Variants in PRRX2 observed in about 807,000 individuals in gnomAD.
The protein encoded by PRRX2 is paired related homeobox 2, also known as paired mesoderm homeobox protein 2.
PRRX2 carries 11 observed loss-of-function variants against 18.0 expected under a neutral mutation model. The observed-to-expected ratio is 0.61, with a 90% CI of 0.39 to 1.01. PRRX2 has a LOEUF of 1.01. Among genes scored for constraint, PRRX2 ranks in the 50% least tolerant of loss-of-function variants. The pLI, the probability that PRRX2 is intolerant of heterozygous loss-of-function variation, is 0.01. For missense variants in PRRX2, 387 were observed against 351.0 expected (o/e 1.10, Z -0.82); for synonymous variants, 177 against 154.8 (o/e 1.14, Z -1.06).
intron 1 of PRRX2, among the ~76,000 whole-genome samples, chr9:129,693,375 C>T (rs1832384145): frequency 2.0e-5 from 3 of 152,164 alleles, no homozygotes; most frequent in Admixed American, 6.6e-5. Flanking sequence ...GGGCGGATCA[C>T]CTGAGGTCAG....
intron 1 of PRRX2, among the ~76,000 whole-genome samples, chr9:129,681,577 C>T (rs1311383650): frequency 1.3e-5 from 2 of 152,096 alleles, no homozygotes; most frequent in Non-Finnish European, 2.9e-5. Flanking sequence ...GTTGTGGATG[C>T]GGCAGCAGGT....
At chr9:129,667,736 G>C (rs115631935) in intron 1 of PRRX2, among the ~76,000 whole-genome samples, 1 of 152,174 alleles carries the variant, frequency 6.6e-6, no homozygotes, top group Non-Finnish European at 1.5e-5. Context: ...TCCCGGACAC[G>C]GTGTTGGAGG....
intron 1 of PRRX2, among the ~76,000 whole-genome samples, chr9:129,691,355 T>C (rs1832358666): frequency 6.6e-6 from 1 of 151,970 alleles, no homozygotes; most frequent in Non-Finnish European, 1.5e-5. Flanking sequence ...TATATAAACT[T>C]ACAATCACAG....
chr9:129,668,778 C>CAAAAAA (rs562855941), intron 1 of PRRX2, among the ~76,000 whole-genome samples: 11 of 58,576 alleles, frequency 1.9e-4, no homozygotes, highest in African/African-American at 2.3e-4. Context: ...GACTCCATCT[C>CAAAAAA]AAAAAAAAAA....
intron 1 of PRRX2, among the ~76,000 whole-genome samples, chr9:129,713,551 G>A (rs1832658730): frequency 6.6e-6 from 1 of 152,226 alleles, no homozygotes. Flanking sequence ...AGGTAGAAGA[G>A]GGAGGAGGCC....
chr9:129,691,630 G>GAGC (rs1832361964), intron 1 of PRRX2, among the ~76,000 whole-genome samples: 1 of 151,778 alleles, frequency 6.6e-6, no homozygotes, highest in African/African-American at 2.4e-5. Context: ...CCCCCACAGA[G>GAGC]AGCCAGTTGT....
intron 1 of PRRX2, among the ~76,000 whole-genome samples, chr9:129,686,567 A>G (rs755004000): frequency 1.3e-5 from 2 of 152,088 alleles, no homozygotes; most frequent in Non-Finnish European, 2.9e-5. Flanking sequence ...TCCTGGGCTC[A>G]AGTGATTCTC....
intron 1 of PRRX2, among the ~76,000 whole-genome samples, chr9:129,700,980 T>C (rs1588170574): frequency 1.3e-5 from 2 of 152,212 alleles, no homozygotes; most frequent in Admixed American, 6.5e-5. Flanking sequence ...AGGTTCCTTC[T>C]GGAGAGGAGA....
chr9:129,705,852 G>A (rs1832550601), intron 1 of PRRX2, among the ~76,000 whole-genome samples: 1 of 151,650 alleles, frequency 6.6e-6, no homozygotes, highest in South Asian at 2.1e-4. Context: ...GAGGCAGGTG[G>A]ATCGCCTGAG....
chr9:129,720,559 T>A, intron 2 of PRRX2, 37 bp from the exon 3 acceptor site: 4 of 1,553,878 alleles, frequency 2.6e-6, no homozygotes, highest in Non-Finnish European at 2.6e-6. Flanking sequence ...GGGTCCCCCC[T>A]GCCCATGCTG....
At chr9:129,714,614 G>T (rs1045294533) in intron 1 of PRRX2, among the ~76,000 whole-genome samples, 5 of 152,128 alleles carry the variant, frequency 3.3e-5, no homozygotes, top group African/African-American at 1.2e-4. Flanking sequence ...AGTGTTGGGG[G>T]CGGTCTGGGG....
chr9:129,694,033 C>T (rs1832392059), intron 1 of PRRX2, among the ~76,000 whole-genome samples: 2 of 152,144 alleles, frequency 1.3e-5, no homozygotes, highest in South Asian at 2.1e-4. Context: ...GCAGACGAAG[C>T]TCATCCACCA....
At chr9:129,682,978 T>C (rs1329767102) in intron 1 of PRRX2, among the ~76,000 whole-genome samples, 2 of 152,070 alleles carry the variant, frequency 1.3e-5, no homozygotes, top group African/African-American at 4.8e-5. Context: ...CATGGTGGCA[T>C]GCACCTGTAG....
chr9:129,701,070 A>AC (rs2058916878), intron 1 of PRRX2, among the ~76,000 whole-genome samples: 1 of 152,242 alleles, frequency 6.6e-6, no homozygotes, highest in African/African-American at 2.4e-5. Context: ...CATTTTTCAC[A>AC]GTGTTTACAA....
At chr9:129,677,394 C>G (rs923539403) in intron 1 of PRRX2, among the ~76,000 whole-genome samples, 3 of 152,256 alleles carry the variant, frequency 2.0e-5, no homozygotes, top group Non-Finnish European at 4.4e-5. Flanking sequence ...GGCCACCTCA[C>G]GCCGGTGCCT....
intron 2 of PRRX2, among the ~76,000 whole-genome samples, chr9:129,719,682 TAG>T (rs1391664465): frequency 6.6e-6 from 1 of 152,210 alleles, no homozygotes; most frequent in African/African-American, 2.4e-5. Flanking sequence ...CTTCGAGGAT[TAG>T]AGTTAAAATT....
chr9:129,717,289 C>T (rs2130935147), intron 1 of PRRX2, among the ~76,000 whole-genome samples: 1 of 152,156 alleles, frequency 6.6e-6, no homozygotes, highest in East Asian at 1.9e-4. Flanking sequence ...AGGCTGGTGT[C>T]AAAATCCTGG....
At position 129,675,443 on chromosome 9, in the gene PRRX2, G is replaced by T. The variant is rs1832152125; in HGVS notation, c.259+9317G>T. Among the ~76,000 whole-genome samples, 1 of 152,100 alleles carries T rather than the reference G, an allele frequency of 6.6e-6. No individual in the cohort carries two copies. Among genetic ancestry groups the T allele is most frequent in the Non-Finnish European group, 1.5e-5 (1 of 67,966 alleles). On this transcript the variant is annotated intron_variant, in intron 1 of 3. Transcript: ENST00000372469. This position sits in a 1 kb window ranked among gnomAD's most constrained non-coding sequence, Gnocchi z 4.4. ...GTAGGAGGCAGTCAAAAGCACCCCT[G>T]CTGAGCTGGAGCCACTGGACAAGCC...
In PRRX2 at chr9:129,713,796, A is replaced by AATTT. The variant is rs574830957; in HGVS notation, c.260-5414_260-5411dup. Among the ~76,000 whole-genome samples, 791 of 150,960 alleles carry AATTT rather than the reference A, an allele frequency of 5.2e-3. 6 individuals are homozygous for AATTT. The highest frequency in any genetic ancestry group is 0.016 in the African/African-American group (665 of 41,114). Reference sequence around the variant, plus strand: ...CAGGTGCCCGCCACCATGCCTGGCTAATTTATTTATTTATTTATTTATTTT... The same window carrying AATTT: ...CAGGTGCCCGCCACCATGCCTGGCTAATTTATTTATTTATTTATTTATTTATTTT... On this transcript the variant is annotated intron_variant, in intron 1 of 3. Coordinates refer to ENST00000372469, the MANE Select transcript of PRRX2 (RefSeq NM_016307.4).
Sources: allele counts gnomAD v4.1 joint callset (sites outside exome capture counted in the v4.1 genomes callset), GRCh38; gene constraint gnomAD v4.1.1; non-coding constraint Gnocchi (gnomAD v3.1); transcripts MANE v1.5; gene names NCBI Gene and HGNC (gene_info 2026-07-23, HGNC 2026-07-21).